Variants in COL21A1 observed in about 807,000 individuals in gnomAD.
The protein encoded by COL21A1 is collagen type XXI alpha 1 chain.
A neutral mutation model predicts 137.9 loss-of-function variants in COL21A1; 149 were observed. That is an observed-to-expected ratio of 1.08 (90% CI 0.95 to 1.24). The LOEUF (loss-of-function observed/expected upper bound fraction) is 1.24. Ranked by LOEUF, COL21A1 falls within the 50% of genes most tolerant of loss-of-function variation. The pLI, the probability that COL21A1 is intolerant of heterozygous loss-of-function variation, is 0.00. For missense variants in COL21A1, 1,167 were observed against 1,158.4 expected, an observed-to-expected ratio of 1.01 and a Z score of -0.11; for synonymous variants, 456 against 391.5, an observed-to-expected ratio of 1.16 and a Z score of -1.95.
intron 1 of COL21A1, among the ~76,000 whole-genome samples, chr6:56,296,720 G>A (rs569279215): frequency 6.5e-4 from 99 of 151,942 alleles, no homozygotes; most frequent in African/African-American, 2.3e-3. Context: ...AGATTGGAGG[G>A]GTTCATGTAA....
At chr6:56,078,972 A>G (rs1224461037) in intron 17 of COL21A1, among the ~76,000 whole-genome samples, 1 of 151,740 alleles carries the variant, frequency 6.6e-6, no homozygotes, top group African/African-American at 2.4e-5. Flanking sequence ...GTAAAAGTAA[A>G]ATCACTGAGT....
chr6:56,136,118 T>C (rs1409284641), intron 12 of COL21A1, among the ~76,000 whole-genome samples: 1 of 152,212 alleles, frequency 6.6e-6, no homozygotes, highest in Non-Finnish European at 1.5e-5. Flanking sequence ...TAAAAGCCAA[T>C]GTTTGATTCT....
At chr6:56,113,477 A>G (rs1771630052) in intron 16 of COL21A1, among the ~76,000 whole-genome samples, 1 of 152,170 alleles carries the variant, frequency 6.6e-6, no homozygotes, top group African/African-American at 2.4e-5. Flanking sequence ...AAGTAAACCC[A>G]CTGCCTTGAA....
chr6:56,210,387 T>C (rs1239905731), intron 1 of COL21A1, among the ~76,000 whole-genome samples: 1 of 152,174 alleles, frequency 6.6e-6, no homozygotes, highest in Non-Finnish European at 1.5e-5. Context: ...ACATTTATCC[T>C]ACTTTTCCTA....
intron 1 of COL21A1, among the ~76,000 whole-genome samples, chr6:56,304,689 G>A (rs1764393892): frequency 6.6e-6 from 1 of 152,008 alleles, no homozygotes; most frequent in African/African-American, 2.4e-5. Context: ...ACCAGCTCCT[G>A]GATTCATTGA....
chr6:56,353,633 A>G (rs551802605), intron 1 of COL21A1, among the ~76,000 whole-genome samples: 1 of 152,262 alleles, frequency 6.6e-6, no homozygotes, highest in Non-Finnish European at 1.5e-5. Context: ...TCAATTAGGT[A>G]AAACTTGGCT....
At chr6:56,276,762 A>G (rs978559210) in intron 1 of COL21A1, 8 of 1,231,422 alleles carry the variant, frequency 6.5e-6, no homozygotes, top group African/African-American at 3.0e-5. Flanking sequence ...AATCATCTCT[A>G]CTTTATTTGC....
chr6:56,183,490 G>T (rs139245515), intron 1 of COL21A1, among the ~76,000 whole-genome samples: 7 of 152,234 alleles, frequency 4.6e-5, no homozygotes, highest in African/African-American at 1.7e-4. Context: ...TCTCTGCCAC[G>T]CAACAAGCAT....
At chr6:56,099,471 C>A (rs939804225) in intron 17 of COL21A1, among the ~76,000 whole-genome samples, 1 of 151,778 alleles carries the variant, frequency 6.6e-6, no homozygotes, top group Non-Finnish European at 1.5e-5. Context: ...CTCCTGGCCT[C>A]GTGATCCAGC....
At chr6:56,185,637 T>G (rs1778232496) in intron 1 of COL21A1, among the ~76,000 whole-genome samples, 1 of 151,068 alleles carries the variant, frequency 6.6e-6, no homozygotes. Context: ...GGGTTTCACC[T>G]TGTTAGCCAG....
intron 1 of COL21A1, among the ~76,000 whole-genome samples, chr6:56,386,940 C>T (rs550304431): frequency 6.6e-6 from 1 of 152,318 alleles, no homozygotes; most frequent in East Asian, 1.9e-4. Flanking sequence ...AAAGCCCTTC[C>T]ATCTCCCTCA....
intron 1 of COL21A1, among the ~76,000 whole-genome samples, chr6:56,339,852 T>C (rs996707747): frequency 6.6e-6 from 1 of 152,210 alleles, no homozygotes; most frequent in African/African-American, 2.4e-5. Flanking sequence ...GTTTTCTGTA[T>C]AATGGATAAG....
chr6:56,111,354 T>C (rs1299731788), intron 16 of COL21A1, among the ~76,000 whole-genome samples: 5 of 152,194 alleles, frequency 3.3e-5, no homozygotes, highest in Non-Finnish European at 5.9e-5. Flanking sequence ...TATCCTGGAC[T>C]GGATCCTGGC....
intron 1 of COL21A1, among the ~76,000 whole-genome samples, chr6:56,217,681 G>A (rs1403532115): frequency 6.6e-6 from 1 of 152,052 alleles, no homozygotes; most frequent in Non-Finnish European, 1.5e-5. Context: ...CTACCACACT[G>A]TCTCTCTTAA....
chr6:56,112,922 G>A (rs1226956732), intron 16 of COL21A1, among the ~76,000 whole-genome samples: 1 of 152,068 alleles, frequency 6.6e-6, no homozygotes, highest in Non-Finnish European at 1.5e-5. Flanking sequence ...GACCTCAGGT[G>A]ATCTGCCCGC....
At chr6:56,171,166 A>G (rs1208915650) in intron 3 of COL21A1, 38 bp from the exon 4 acceptor site, 7 of 1,456,306 alleles carry the variant, frequency 4.8e-6, no homozygotes, top group Non-Finnish European at 6.5e-6. Flanking sequence ...TTAATCATGG[A>G]CTATTCAAAC....
At chr6:56,328,144 C>G (rs530317515) in intron 1 of COL21A1, among the ~76,000 whole-genome samples, 5 of 152,082 alleles carry the variant, frequency 3.3e-5, no homozygotes, top group African/African-American at 1.2e-4. Flanking sequence ...TTATGTGAGT[C>G]AAAATAAATT....
intron 16 of COL21A1, among the ~76,000 whole-genome samples, chr6:56,117,307 G>A (rs1190646001): frequency 6.6e-6 from 1 of 151,996 alleles, no homozygotes; most frequent in African/African-American, 2.4e-5. Context: ...CTATATTTAT[G>A]TCAGACACAA....
intron 1 of COL21A1, among the ~76,000 whole-genome samples, chr6:56,330,720 G>A (rs556834382): frequency 6.6e-6 from 1 of 152,232 alleles, no homozygotes; most frequent in East Asian, 1.9e-4. Context: ...CACTTAGCTT[G>A]ATTCCATGGT....
Sources: gnomAD v4.1 joint callset for allele counts (sites outside exome capture counted in the v4.1 genomes callset) on GRCh38, gnomAD v4.1.1 for gene constraint, MANE v1.5 for transcripts, NCBI Gene and HGNC (gene_info 2026-07-23, HGNC 2026-07-21) for gene names.